Variants in C4orf51 observed in about 807,000 individuals in gnomAD.
C4orf51 encodes the protein chromosome 4 open reading frame 51.
A neutral mutation model predicts 25.2 loss-of-function variants in C4orf51; 25 were observed. The observed-to-expected ratio is 0.99, with a 90% CI of 0.72 to 1.39. C4orf51 has a LOEUF of 1.39. Among genes scored for constraint, C4orf51 ranks in the 40% most tolerant of loss-of-function variants. C4orf51 has a pLI of 0.00. For synonymous variants in C4orf51, 100 were observed against 84.5 expected (o/e 1.18, Z -1.01); for missense variants, 252 against 239.6 (o/e 1.05, Z -0.34).
intron 5 of C4orf51, among the ~76,000 whole-genome samples, chr4:145,730,601 A>G (rs138600397): frequency 2.6e-4 from 39 of 152,208 alleles, no homozygotes; most frequent in African/African-American, 9.4e-4. Context: ...TTGCTATTCT[A>G]TTACTTTATT....
At position 145,763,022 on chromosome 4, in the gene C4orf51, C is replaced by G; in HGVS notation, n.167-7966C>G. ...ACCTCAGCTCACAGAAGAGTGCACACGAGAGAAATATAAAGCCCATTCCCA... is the reference window on the plus strand; with the variant it reads ...ACCTCAGCTCACAGAAGAGTGCACAGGAGAGAAATATAAAGCCCATTCCCA... On this transcript the variant is annotated intron_variant and non_coding_transcript_variant, in intron 1 of 1. Transcript: ENST00000510096. This position sits in a 1 kb window ranked among gnomAD's most constrained non-coding sequence, Gnocchi z 4.6. 7.0e-7 allele frequency: 1 copy of G among 1,428,310 alleles called. No individual in the cohort carries two copies. The highest frequency in any genetic ancestry group is 9.5e-7 in the Non-Finnish European group (1 of 1,056,092). The allele number at this position is 1,428,310 out of a possible 1,614,324, so 88.5% of individuals were successfully genotyped here. A position where few individuals can be genotyped will look rare whatever the true frequency, so the allele number is the denominator to read the frequency against.
chr4:145,725,213 A>T lies in C4orf51; in HGVS notation c.308-1698A>T, dbSNP rs544392680. On this transcript the variant is annotated intron_variant, in intron 2 of 5. Coordinates refer to ENST00000438731, the MANE Select transcript of C4orf51 (RefSeq NM_001080531.3). ...AAAATTAGAAATTTTTAAAAAAATA[A>T]ATAAATAGAAAAAAACCATAATGAG... is the stretch of plus-strand genomic sequence containing the variant. 2.9e-3 allele frequency among the ~76,000 whole-genome samples: 445 copies of T among 152,194 alleles called. 2 individuals are homozygous for T. Among genetic ancestry groups the T allele is most frequent in the African/African-American group, 9.8e-3 (406 of 41,572 alleles).
the C4orf51 span, among the ~76,000 whole-genome samples, chr4:145,786,581 G>A: frequency 6.6e-6 from 1 of 152,150 alleles, no homozygotes; most frequent in Non-Finnish European, 1.5e-5. Context: ...GTCTTGGATA[G>A]GTTAAAACCT....
chr4:145,702,203 C>T (rs1007230919), intron 2 of C4orf51, among the ~76,000 whole-genome samples: 4 of 152,050 alleles, frequency 2.6e-5, no homozygotes, highest in African/African-American at 9.7e-5. Flanking sequence ...TAAAACCAGA[C>T]AAGGCTTACA....
At position 145,763,494 on chromosome 4, in the gene C4orf51, C is replaced by T. The variant is rs143894856; in HGVS notation, n.167-7494C>T. Among the ~76,000 whole-genome samples, 4 of 152,310 alleles carry T rather than the reference C, an allele frequency of 2.6e-5. No homozygotes were observed. The highest frequency in any genetic ancestry group is 1.9e-4 in the East Asian group (1 of 5,184). Reference sequence around the variant, plus strand: ...CTATTACACAGGGGACGGTTAGCACCGCACGGGAAGTGTCTGTACCAGCAA... The same window carrying T: ...CTATTACACAGGGGACGGTTAGCACTGCACGGGAAGTGTCTGTACCAGCAA... On this transcript the variant is annotated intron_variant and non_coding_transcript_variant, in intron 1 of 1. Transcript: ENST00000510096. This position sits in a 1 kb window ranked among gnomAD's most constrained non-coding sequence, Gnocchi z 4.6.
At chr4:145,681,720 G>A (rs2126646417) in intron 1 of C4orf51, among the ~76,000 whole-genome samples, 1 of 152,308 alleles carries the variant, frequency 6.6e-6, no homozygotes, top group South Asian at 2.1e-4. Flanking sequence ...AAAGGTGGAA[G>A]AGAGCACTTA....
At chr4:145,755,323 A>G (rs952707820), downstream of C4orf51, among the ~76,000 whole-genome samples, 4 of 152,022 alleles carry the variant, frequency 2.6e-5, no homozygotes, top group Middle Eastern at 3.4e-3. Context: ...TTCTCACTAT[A>G]CAGGGTAAAA....
intron 2 of C4orf51, among the ~76,000 whole-genome samples, chr4:145,708,552 C>A (rs113161076): frequency 0.011 from 1,698 of 152,284 alleles, 24 homozygotes; most frequent in African/African-American, 0.038. Flanking sequence ...AACTGGTCTT[C>A]CCATGTACCC....
intron 2 of C4orf51, among the ~76,000 whole-genome samples, chr4:145,714,505 T>A (rs1731297232): frequency 6.6e-6 from 1 of 152,152 alleles, no homozygotes; most frequent in Non-Finnish European, 1.5e-5. Context: ...ACATATTCCG[T>A]TTGTTTTTTG....
downstream of C4orf51, among the ~76,000 whole-genome samples, chr4:145,734,179 C>A (rs986689244): frequency 6.6e-6 from 1 of 152,178 alleles, no homozygotes; most frequent in African/African-American, 2.4e-5. Context: ...CCTTAACCCC[C>A]AAAAGGCAAA....
intron 1 of C4orf51, chr4:145,760,708 T>G: frequency 9.7e-7 from 1 of 1,034,856 alleles, no homozygotes; most frequent in Non-Finnish European, 1.2e-6. Flanking sequence ...GGGGTTGTGT[T>G]TAAGTTTTGT....
chr4:145,779,634 G>T, the C4orf51 span: 1 of 1,317,328 alleles, frequency 7.6e-7, no homozygotes, highest in Non-Finnish European at 1.0e-6. Flanking sequence ...TTGCAAATGA[G>T]TCTCCGTAAC....
chr4:145,741,959 C>A (rs1733126191), intron 1 of C4orf51, among the ~76,000 whole-genome samples: 1 of 152,156 alleles, frequency 6.6e-6, no homozygotes, highest in South Asian at 2.1e-4. Context: ...CCTCGGCCTC[C>A]CAAAGTGCTG....
In C4orf51 at chr4:145,762,145, G is replaced by A. The variant is rs938591927; in HGVS notation, n.167-8843G>A. On this transcript the variant is annotated intron_variant and non_coding_transcript_variant, in intron 1 of 1. Transcript: ENST00000510096. The surrounding 1 kb of genome is among the most constrained non-coding windows in gnomAD (Gnocchi z 4.9). Reference sequence around the variant, plus strand: ...CAGGGGTCAGAATCGTGCTTATTAAGGGTTTGTTAGGATGAGAAGGCCTGT... The same window carrying A: ...CAGGGGTCAGAATCGTGCTTATTAAAGGTTTGTTAGGATGAGAAGGCCTGT... 1.3e-5 allele frequency among the ~76,000 whole-genome samples: 2 copies of A among 152,192 alleles called. No individual in the cohort carries two copies. The highest frequency in any genetic ancestry group is 2.9e-5 in the Non-Finnish European group (2 of 68,034).
chr4:145,684,033 G>A (rs988628826), intron 1 of C4orf51, among the ~76,000 whole-genome samples: 1 of 152,096 alleles, frequency 6.6e-6, no homozygotes, highest in African/African-American at 2.4e-5. Context: ...AAAAAGATTT[G>A]TTTGAAAAAG....
chr4:145,685,333 G>C (rs1488268351), intron 1 of C4orf51, among the ~76,000 whole-genome samples: 2 of 152,144 alleles, frequency 1.3e-5, no homozygotes, highest in Admixed American at 6.5e-5. Context: ...ATAATACAGA[G>C]TATGTTTTCT....
At chr4:145,697,516 A>T (rs1279753746) in intron 2 of C4orf51, among the ~76,000 whole-genome samples, 3 of 152,222 alleles carry the variant, frequency 2.0e-5, no homozygotes, top group Non-Finnish European at 4.4e-5. Context: ...AAAATTCCCC[A>T]TTTATCTTAC....
At chr4:145,771,766 G>A (rs561614792), downstream of C4orf51, among the ~76,000 whole-genome samples, 36 of 152,292 alleles carry the variant, frequency 2.4e-4, no homozygotes, top group East Asian at 1.2e-3. Context: ...AACAAAATGC[G>A]TGCTGTTGAT....
chr4:145,753,923 G>A (rs534516580), intron 1 of C4orf51, among the ~76,000 whole-genome samples: 2 of 152,324 alleles, frequency 1.3e-5, no homozygotes, highest in Admixed American at 1.3e-4. Context: ...CCTGCTACAT[G>A]AATGAGAAGG....
Sources: allele counts gnomAD v4.1 joint callset (sites outside exome capture counted in the v4.1 genomes callset), GRCh38; gene constraint gnomAD v4.1.1; non-coding constraint Gnocchi (gnomAD v3.1); transcripts MANE v1.5; gene names NCBI Gene and HGNC (gene_info 2026-07-23, HGNC 2026-07-21).